LRP1B: variants seen among roughly 807,000 people sequenced by gnomAD.
The protein encoded by LRP1B is LDL receptor related protein 1B, also known as low-density lipoprotein receptor-related protein 1B.
LRP1B carries 217 observed loss-of-function variants against 556.6 expected under a neutral mutation model. That is an observed-to-expected ratio of 0.39 (90% CI 0.35 to 0.44). The LOEUF is 0.44. Ranked by LOEUF, LRP1B falls within the 20% of genes least tolerant of loss-of-function variation. The probability of loss-of-function intolerance (pLI) is 1.00; values close to 1 mark genes in which losing one functional copy is unlikely to be tolerated. For synonymous variants in LRP1B, 2,047 were observed against 1,865.8 expected (o/e 1.10, Z -2.50); for missense variants, 5,053 against 5,620.8 (o/e 0.90, Z 3.23).
At chr2:141,863,082 T>C (rs1698304042) in intron 1 of LRP1B, among the ~76,000 whole-genome samples, 1 of 152,220 alleles carries the variant, frequency 6.6e-6, no homozygotes, top group South Asian at 2.1e-4. Context: ...TTGCTTCACT[T>C]GTCCTATTGC....
chr2:141,063,283 T>C (rs758749798), intron 7 of LRP1B, among the ~76,000 whole-genome samples: 4 of 151,890 alleles, frequency 2.6e-5, no homozygotes, highest in Non-Finnish European at 4.4e-5. Context: ...TTTCTCAACA[T>C]ACTTACATTA....
At chr2:140,631,769 G>C (rs1466662961) in intron 41 of LRP1B, among the ~76,000 whole-genome samples, 2 of 152,110 alleles carry the variant, frequency 1.3e-5, no homozygotes, top group Non-Finnish European at 2.9e-5. Flanking sequence ...ATTAATGATA[G>C]ACACAAAACC....
chr2:141,951,591 G>A (rs1701107194), intron 1 of LRP1B, among the ~76,000 whole-genome samples: 1 of 152,108 alleles, frequency 6.6e-6, no homozygotes. Flanking sequence ...AACTAAGGAT[G>A]AATTAAGAGT....
intron 79 of LRP1B, among the ~76,000 whole-genome samples, chr2:140,330,497 T>A (rs948173217): frequency 2.1e-4 from 32 of 152,020 alleles, no homozygotes; most frequent in African/African-American, 7.7e-4. Flanking sequence ...TAATAAATGG[T>A]GCTAGGAGAA....
chr2:140,840,591 A>G (rs1692070985), intron 30 of LRP1B, among the ~76,000 whole-genome samples: 1 of 152,194 alleles, frequency 6.6e-6, no homozygotes, highest in African/African-American at 2.4e-5. Flanking sequence ...ACCAACATGT[A>G]GCACATGCAT....
At chr2:140,256,884 G>A (rs979169523) in intron 86 of LRP1B, among the ~76,000 whole-genome samples, 5 of 149,300 alleles carry the variant, frequency 3.3e-5, no homozygotes, top group African/African-American at 1.0e-4. Context: ...AGTTTAACTC[G>A]GCTGATAAAT....
At chr2:141,104,040 T>G (rs1700538781) in intron 7 of LRP1B, among the ~76,000 whole-genome samples, 1 of 152,020 alleles carries the variant, frequency 6.6e-6, no homozygotes, top group African/African-American at 2.4e-5. Flanking sequence ...TTTAATATAT[T>G]GTTTGAGCTT....
intron 6 of LRP1B, among the ~76,000 whole-genome samples, chr2:141,211,886 A>T (rs1486138928): frequency 6.6e-6 from 1 of 152,136 alleles, no homozygotes; most frequent in Non-Finnish European, 1.5e-5. Flanking sequence ...TGATCTCCTC[A>T]CTGAAATTCC....
At chr2:140,320,396 C>G (rs1680041398) in intron 82 of LRP1B, among the ~76,000 whole-genome samples, 1 of 152,094 alleles carries the variant, frequency 6.6e-6, no homozygotes, top group Non-Finnish European at 1.5e-5. Context: ...TGGATGTAAC[C>G]TTCAGCAGAG....
intron 7 of LRP1B, among the ~76,000 whole-genome samples, chr2:141,106,851 T>A (rs1700615582): frequency 6.6e-6 from 1 of 152,188 alleles, no homozygotes; most frequent in African/African-American, 2.4e-5. Flanking sequence ...TCAACCACTT[T>A]CGATGCCAGG....
chr2:141,917,608 C>A (rs530505759), intron 1 of LRP1B, among the ~76,000 whole-genome samples: 2 of 152,128 alleles, frequency 1.3e-5, no homozygotes, highest in Non-Finnish European at 2.9e-5. Context: ...CTAAAGGATT[C>A]TTCTCCTTAG....
intron 80 of LRP1B, 48 bp from the exon 81 acceptor site, chr2:140,324,114 GACTTTAAAA>G (rs1680321575): frequency 8.6e-7 from 1 of 1,163,090 alleles, no homozygotes; most frequent in Admixed American, 2.0e-5. Flanking sequence ...TATATACTCA[GACTTTAAAA>G]ACTATGTTTA....
At chr2:140,619,250 T>C (rs1012779045) in intron 41 of LRP1B, among the ~76,000 whole-genome samples, 2 of 152,076 alleles carry the variant, frequency 1.3e-5, no homozygotes, top group Non-Finnish European at 2.9e-5. Context: ...GAAATAAACT[T>C]ACAAATTTGT....
At chr2:140,294,955 C>A (rs543629441) in intron 84 of LRP1B, among the ~76,000 whole-genome samples, 3 of 152,266 alleles carry the variant, frequency 2.0e-5, no homozygotes, top group Admixed American at 6.5e-5. Context: ...CGGCTCACTG[C>A]AAGCTCCACC....
At chr2:140,452,030 T>C (rs995514356) in intron 62 of LRP1B, among the ~76,000 whole-genome samples, 9 of 152,152 alleles carry the variant, frequency 5.9e-5, no homozygotes, top group Non-Finnish European at 1.2e-4. Flanking sequence ...TTAGAGAAAG[T>C]AAGTGAATTG....
At chr2:141,713,361 T>C (rs1692440298) in intron 2 of LRP1B, among the ~76,000 whole-genome samples, 1 of 152,208 alleles carries the variant, frequency 6.6e-6, no homozygotes, top group Non-Finnish European at 1.5e-5. Context: ...TTTTAAAATG[T>C]AGTTTTAATT....
chr2:141,820,487 A>G lies in LRP1B; in HGVS notation c.83-10086T>C, dbSNP rs140955879. Among the ~76,000 whole-genome samples the G allele has an allele frequency of 2.8e-4, 42 of 152,334 alleles. 1 individual carries two copies. The highest frequency in any genetic ancestry group is 2.5e-3 in the East Asian group (13 of 5,182). On this transcript the variant is annotated intron_variant, in intron 1 of 90. Coordinates refer to ENST00000389484, the MANE Select transcript of LRP1B (RefSeq NM_018557.3). ...AAACCCTATTAGACACTCTAAGATT[A>G]CAATTCATGGTATCACTCATCTATG...
At chr2:140,839,390 G>T (rs2105093543) in intron 31 of LRP1B, among the ~76,000 whole-genome samples, 1 of 152,256 alleles carries the variant, frequency 6.6e-6, no homozygotes, top group Non-Finnish European at 1.5e-5. Context: ...TGCCAAAGGA[G>T]ATTAACATTT....
intron 1 of LRP1B, among the ~76,000 whole-genome samples, chr2:142,034,029 T>G (rs894410537): frequency 7.3e-5 from 11 of 151,712 alleles, no homozygotes; most frequent in African/African-American, 2.7e-4. Flanking sequence ...TGCCAGAAAC[T>G]TGGAGTCATC....
Sources: gnomAD v4.1 joint callset for allele counts (sites outside exome capture counted in the v4.1 genomes callset) on GRCh38, gnomAD v4.1.1 for gene constraint, MANE v1.5 for transcripts, NCBI Gene and HGNC (gene_info 2026-07-23, HGNC 2026-07-21) for gene names.